The following SOCS7 variants were observed in gnomAD, a reference collection of about 807,000 sequenced individuals.
SOCS7 encodes suppressor of cytokine signaling 7.
A neutral mutation model predicts 58.9 loss-of-function variants in SOCS7; 18 were observed. That is an observed-to-expected ratio of 0.31 (90% CI 0.21 to 0.45). The LOEUF (loss-of-function observed/expected upper bound fraction) is 0.45. Among genes scored for constraint, SOCS7 ranks in the 20% least tolerant of loss-of-function variants. The probability of loss-of-function intolerance (pLI) is 1.00; values close to 1 mark genes in which losing one functional copy is unlikely to be tolerated. For synonymous variants in SOCS7, 388 were observed against 364.3 expected (o/e 1.06, Z -0.74); for missense variants, 667 against 837.3 (o/e 0.80, Z 2.51).
At chr17:38,393,155 G>A (rs549467288) in intron 7 of SOCS7, among the ~76,000 whole-genome samples, 108 of 152,218 alleles carry the variant, frequency 7.1e-4, no homozygotes, top group African/African-American at 2.2e-3. Flanking sequence ...GATTATAGGC[G>A]TGTGCCACTG....
chr17:38,369,534 C>T (rs565846350), intron 6 of SOCS7, among the ~76,000 whole-genome samples: 10 of 152,224 alleles, frequency 6.6e-5, no homozygotes, highest in East Asian at 1.9e-4. Flanking sequence ...AAATGTGAAG[C>T]GGAGCATTTC....
Position 38,367,899 on chromosome 17 carries a change from G to T in SOCS7, c.1401G>T (p.Gly467=), listed in dbSNP as rs760358428. 1.2e-6 allele frequency: 2 copies of T among 1,614,020 alleles called. No homozygotes were observed. The highest frequency in any genetic ancestry group is 1.3e-5 in the African/African-American group (1 of 74,914). Residue 467 remains glycine (G), a synonymous_variant, in exon 6 of 10, where the codon GGG becomes GGT. Transcript: ENST00000612932. ...RELEKCGWYW[G]PMNWEDAEMK... is the part of the protein sequence containing the mutation. ...TTTGATAGTGTGGTTGGTATTGGGGGCCAATGAATTGGGAAGATGCAGAGA... is the reference window on the plus strand; with the variant it reads ...TTTGATAGTGTGGTTGGTATTGGGGTCCAATGAATTGGGAAGATGCAGAGA...
At chr17:38,397,213 C>A (rs2038255918) in intron 9 of SOCS7, among the ~76,000 whole-genome samples, 1 of 152,148 alleles carries the variant, frequency 6.6e-6, no homozygotes, top group Admixed American at 6.6e-5. Context: ...CTGAAAGATG[C>A]ATTTGATGGG....
chr17:38,366,640 T>A (rs2037793869), intron 5 of SOCS7, among the ~76,000 whole-genome samples: 1 of 152,212 alleles, frequency 6.6e-6, no homozygotes, highest in African/African-American at 2.4e-5. Flanking sequence ...ACTGCAGGCA[T>A]GCACGACCAA....
At chr17:38,376,681 A>G (rs2037935057) in intron 6 of SOCS7, among the ~76,000 whole-genome samples, 1 of 151,912 alleles carries the variant, frequency 6.6e-6, no homozygotes, top group Non-Finnish European at 1.5e-5. Flanking sequence ...GCAGTGAGCC[A>G]AGATCACGCC....
chr17:38,398,958 C>T (rs544408280), intron 9 of SOCS7, among the ~76,000 whole-genome samples: 5 of 152,062 alleles, frequency 3.3e-5, no homozygotes, highest in South Asian at 2.1e-4. Context: ...GGCATGGTGG[C>T]GCATGCCTGT....
At chr17:38,377,365 T>G (rs1449146122) in intron 6 of SOCS7, among the ~76,000 whole-genome samples, 1 of 152,020 alleles carries the variant, frequency 6.6e-6, no homozygotes, top group Non-Finnish European at 1.5e-5. Context: ...GATTTCAGAG[T>G]TTTGGATTAG....
chr17:38,387,024 G>T (rs1401014781), intron 7 of SOCS7, among the ~76,000 whole-genome samples: 2 of 138,900 alleles, frequency 1.4e-5, no homozygotes, highest in African/African-American at 2.8e-5. Flanking sequence ...GGCAGAGCTT[G>T]CAGTGAGCTA....
At chr17:38,387,129 G>GTGTGTGTGTATATATATATATA (rs1555570683) in intron 7 of SOCS7, among the ~76,000 whole-genome samples, 2 of 64,824 alleles carry the variant, frequency 3.1e-5, no homozygotes, top group Admixed American at 3.5e-4. Flanking sequence ...ATATATATAT[G>GTGTGTGTGTATATATATATATA]TATGTATATA....
intron 1 of SOCS7, among the ~76,000 whole-genome samples, chr17:38,358,016 G>GT (rs1188894438): frequency 2.0e-5 from 3 of 152,162 alleles, no homozygotes; most frequent in African/African-American, 7.2e-5. Context: ...GAGGCATCCT[G>GT]TTTTTTTGTT....
At chr17:38,366,450 C>T (rs1404760819) in intron 5 of SOCS7, 33 bp downstream of exon 5, 1 of 1,612,160 alleles carries the variant, frequency 6.2e-7, no homozygotes, top group Non-Finnish European at 8.5e-7. Flanking sequence ...CAGGTCACTT[C>T]TCCTCCCATT....
chr17:38,356,846 G>A (rs2037647030), intron 1 of SOCS7, among the ~76,000 whole-genome samples: 1 of 152,218 alleles, frequency 6.6e-6, no homozygotes, highest in Non-Finnish European at 1.5e-5. Context: ...AGGAAAACCA[G>A]TGGAGTTCCC....
At chr17:38,389,848 G>A (rs1350948114) in intron 7 of SOCS7, among the ~76,000 whole-genome samples, 4 of 4,976 alleles carry the variant, frequency 8.0e-4, no homozygotes, top group African/African-American at 1.3e-3. Context: ...TAATTTTTTT[G>A]TTTGGTGTGT....
rs2038343593 is a variant in SOCS7 at position 38,403,083 on chromosome 17, T to TA, written c.*3601_*3602insA. On this transcript the variant is annotated 3_prime_UTR_variant, in exon 10 of 10. Transcript: ENST00000612932. ...GCTGACCTTTGCCTGGTCACCTGCC[T>TA]GTGCCTAGGCCAAGTGAATGTTACA... 4 of 152,206 alleles carry TA rather than the reference T, an allele frequency of 2.6e-5. No homozygotes were observed. The highest frequency in any genetic ancestry group is 1.3e-4 in the Admixed American group (2 of 15,280). 9.4% of individuals were successfully genotyped at this position (152,206 alleles called of 1,614,324 possible). A position where few individuals can be genotyped will look rare whatever the true frequency, so the allele number is the denominator to read the frequency against.
chr17:38,362,426 G>GT lies in SOCS7; in HGVS notation c.1045+652dup, dbSNP rs2037732594. 2.0e-5 allele frequency among the ~76,000 whole-genome samples: 3 copies of GT among 152,206 alleles called. No individual in the cohort carries two copies. In the South Asian group the frequency reaches 6.2e-4, roughly 31 times the overall value. The stretch of plus-strand genomic sequence containing the variant: ...GAGAGGGAGACCTTCTGTTATGTCA[G>GT]TCACAGGTGAAGCTCCTGCATGAAT... On this transcript the variant is annotated intron_variant, in intron 2 of 9. Transcript: ENST00000612932.
At chr17:38,383,055 C>CA (rs1014102366) in intron 7 of SOCS7, among the ~76,000 whole-genome samples, 5 of 152,004 alleles carry the variant, frequency 3.3e-5, no homozygotes, top group African/African-American at 1.2e-4. Context: ...CCCTGGGGGC[C>CA]AAAATCATCC....
rs559389976 is a variant in SOCS7, at chr17:38,403,306, G to C, written c.*3824G>C. ...TAACAGACATCCAGGAAGAATTAGG[G>C]AGTGGGGGTAATTATAGTTCCTAGG... is the stretch of plus-strand genomic sequence containing the variant. On this transcript the variant is annotated 3_prime_UTR_variant, in exon 10 of 10. Coordinates refer to ENST00000612932, the MANE Select transcript of SOCS7 (RefSeq NM_014598.4). 2.0e-5 allele frequency: 3 copies of C among 152,346 alleles called. No individual in the cohort carries two copies. In the South Asian group the frequency reaches 6.2e-4, roughly 32 times the overall value. 9.4% of individuals were successfully genotyped at this position (152,346 alleles called of 1,614,324 possible).
At chr17:38,390,463 T>G (rs1018549122) in intron 7 of SOCS7, among the ~76,000 whole-genome samples, 1 of 152,152 alleles carries the variant, frequency 6.6e-6, no homozygotes, top group Admixed American at 6.6e-5. Flanking sequence ...ACTGAGATTT[T>G]AATACCCCCA....
intron 7 of SOCS7, among the ~76,000 whole-genome samples, chr17:38,379,298 T>C (rs1290306864): frequency 6.6e-6 from 1 of 151,130 alleles, no homozygotes; most frequent in African/African-American, 2.4e-5. Context: ...GCCAACATAG[T>C]GAAACCCTGT....
Sources: gnomAD v4.1 joint callset for allele counts (sites outside exome capture counted in the v4.1 genomes callset) on GRCh38, gnomAD v4.1.1 for gene constraint, MANE v1.5 for transcripts, NCBI Gene and HGNC (gene_info 2026-07-23, HGNC 2026-07-21) for gene names.